Variants in MAPK10 observed in about 807,000 individuals in gnomAD.
MAPK10 encodes the protein JNK3 alpha protein kinase.
In MAPK10, 25 loss-of-function variants were observed where a neutral mutation model predicts 59.3. The ratio of observed to expected loss-of-function variants is 0.42; its 90% CI spans 0.31 to 0.59. The LOEUF (loss-of-function observed/expected upper bound fraction) is 0.59, where lower values mean the gene tolerates loss of function less well. Among genes scored for constraint, MAPK10 ranks in the 20% least tolerant of loss-of-function variants. The pLI is 0.15. For missense variants in MAPK10, 351 were observed against 568.9 expected (o/e 0.62, Z 3.90); for synonymous variants, 190 against 200.5 (o/e 0.95, Z 0.44).
intron 1 of MAPK10, among the ~76,000 whole-genome samples, chr4:86,382,458 A>T (rs541414871): frequency 6.6e-6 from 1 of 152,174 alleles, no homozygotes; most frequent in Admixed American, 6.5e-5. Context: ...ACAGTTTGTG[A>T]TTATCTATTT....
chr4:86,098,779 T>C (rs1036273516), intron 8 of MAPK10, 184 bp from the exon 9 acceptor site: 1 of 543,146 alleles, frequency 1.8e-6, no homozygotes. Context: ...CAGTGTTTAG[T>C]ATGAGAACTC....
intron 13 of MAPK10, chr4:86,027,277 T>A (rs1472800097): frequency 6.6e-6 from 1 of 152,222 alleles, no homozygotes; most frequent in Non-Finnish European, 1.5e-5. Context: ...ATTACATAGA[T>A]AATTTTTAAT....
chr4:86,540,344 C>T (rs529340992), intron 1 of MAPK10, among the ~76,000 whole-genome samples: 1 of 151,750 alleles, frequency 6.6e-6, no homozygotes, highest in Non-Finnish European at 1.5e-5. Context: ...ACGAAAAATA[C>T]AACAAATTAG....
At chr4:86,112,162 C>G (rs62305525) in intron 4 of MAPK10, among the ~76,000 whole-genome samples, 1 of 148,028 alleles carries the variant, frequency 6.8e-6, no homozygotes, top group African/African-American at 2.5e-5. Flanking sequence ...AAAAAAAAAC[C>G]AGCTCCTGAT....
Position 86,067,923 on chromosome 4 carries a change from G to C in MAPK10, c.835C>G (p.Leu279Val). 6.2e-7 allele frequency: 1 copy of C among 1,613,084 alleles called. No homozygotes were observed. The highest frequency in any genetic ancestry group is 2.2e-5 in the East Asian group (1 of 44,870). The change falls in exon 10 of 14, where the codon CTA (leucine) becomes GTA (valine). Residue 279 changes from leucine to valine, a missense_variant. Physicochemically the swap from Leu to Val is conservative, Grantham distance 32. Coordinates refer to ENST00000641462, the MANE Select transcript of MAPK10 (RefSeq NM_138982.4). ...IDQWNKVIEQ[L>V]GTPCPEFMKK... The stretch of plus-strand genomic sequence containing the variant: ...ATGAATTCTGGACATGGTGTTCCTA[G>C]TTGTTCAATTACCTTATTCCACTGG...
At chr4:86,473,846 T>C (rs1197606801) in intron 1 of MAPK10, among the ~76,000 whole-genome samples, 3 of 152,210 alleles carry the variant, frequency 2.0e-5, no homozygotes, top group African/African-American at 7.2e-5. Context: ...AGCAATGCTA[T>C]ATCCTCCAGG....
At chr4:86,231,839 A>G (rs2091595590) in intron 2 of MAPK10, among the ~76,000 whole-genome samples, 1 of 152,178 alleles carries the variant, frequency 6.6e-6, no homozygotes, top group South Asian at 2.1e-4. Context: ...GACCCTTTTC[A>G]ACAATTATTA....
chr4:86,189,354 T>C (rs1468210082), intron 3 of MAPK10, among the ~76,000 whole-genome samples: 1 of 152,226 alleles, frequency 6.6e-6, no homozygotes, highest in Non-Finnish European at 1.5e-5. Flanking sequence ...ATTTTCACAA[T>C]ATTGATTCTT....
At chr4:86,507,615 G>GATAGATAT (rs1755839060) in intron 1 of MAPK10, among the ~76,000 whole-genome samples, 1 of 35,650 alleles carries the variant, frequency 2.8e-5, no homozygotes, top group African/African-American at 1.1e-4. Context: ...ATAAACTGGA[G>GATAGATAT]ATATATATAT....
rs532170044 is a variant in MAPK10 at position 86,501,680 on chromosome 4, G to A, written c.-263+92230C>T. ...CATTTGTATGCATGTGTGTGTGCAT[G>A]CACACACACACACACACACACACTA... On this transcript the variant is annotated intron_variant, in intron 1 of 4. Coordinates refer to the MAPK10 transcript ENST00000502302. 9.5e-5 allele frequency among the ~76,000 whole-genome samples: 14 copies of A among 147,016 alleles called. No individual in the cohort carries two copies. The East Asian group carries it at 2.6e-3, about 27-fold the overall frequency.
At chr4:86,437,107 G>C (rs550599889) in intron 1 of MAPK10, among the ~76,000 whole-genome samples, 1 of 151,726 alleles carries the variant, frequency 6.6e-6, no homozygotes, top group South Asian at 2.1e-4. Flanking sequence ...CCAGCTACTC[G>C]GGAGGCTGAG....
intron 11 of MAPK10, chr4:86,032,263 C>CTCT (rs1438913610): frequency 2.0e-5 from 3 of 152,042 alleles, no homozygotes; most frequent in Non-Finnish European, 4.4e-5. Context: ...ATTCTCTGAC[C>CTCT]TCTTCTTCCT....
chr4:86,559,088 A>G (rs1206489643), intron 1 of MAPK10, among the ~76,000 whole-genome samples: 2 of 152,116 alleles, frequency 1.3e-5, no homozygotes, highest in Non-Finnish European at 2.9e-5. Flanking sequence ...GTAAACTTGC[A>G]TATTTTTTTC....
At chr4:86,405,879 G>T (rs978199385) in intron 1 of MAPK10, among the ~76,000 whole-genome samples, 1 of 152,174 alleles carries the variant, frequency 6.6e-6, no homozygotes, top group African/African-American at 2.4e-5. Flanking sequence ...CCATCATCTT[G>T]TTCTTCCAAA....
chr4:86,386,449 G>A (rs1741484348), intron 1 of MAPK10, among the ~76,000 whole-genome samples: 1 of 152,172 alleles, frequency 6.6e-6, no homozygotes, highest in South Asian at 2.1e-4. Context: ...CAGGACTGCA[G>A]GGACCACATG....
upstream of MAPK10, among the ~76,000 whole-genome samples, chr4:86,362,488 G>A (rs1737173917): frequency 1.3e-5 from 2 of 150,526 alleles, no homozygotes; most frequent in Admixed American, 1.3e-4. Context: ...AAAATGAATA[G>A]GCAAGCCAGA....
chr4:86,240,585 T>G (rs1296629031), intron 2 of MAPK10, among the ~76,000 whole-genome samples: 1 of 152,168 alleles, frequency 6.6e-6, no homozygotes, highest in Non-Finnish European at 1.5e-5. Flanking sequence ...CCTTTATCGT[T>G]ATGTAATGCC....
intron 1 of MAPK10, among the ~76,000 whole-genome samples, chr4:86,536,271 C>A (rs1181926625): frequency 6.6e-6 from 1 of 152,160 alleles, no homozygotes; most frequent in East Asian, 1.9e-4. Flanking sequence ...TCTTTGGACA[C>A]TTTTGCCTTT....
intron 1 of MAPK10, among the ~76,000 whole-genome samples, chr4:86,439,663 T>C (rs1749185027): frequency 6.6e-6 from 1 of 152,250 alleles, no homozygotes; most frequent in Non-Finnish European, 1.5e-5. Context: ...TTAAAGAAAC[T>C]GTCAGACGGT....
Sources: gnomAD v4.1 joint callset for allele counts (sites outside exome capture counted in the v4.1 genomes callset) on GRCh38, gnomAD v4.1.1 for gene constraint, MANE v1.5 for transcripts, NCBI Gene and HGNC (gene_info 2026-07-23, HGNC 2026-07-21) for gene names.